Variants in CDH23 observed in about 807,000 individuals in gnomAD.
CDH23 encodes cadherin-23.
A neutral mutation model predicts 317.1 loss-of-function variants in CDH23; 189 were observed. The ratio of observed to expected loss-of-function variants is 0.60; its 90% CI spans 0.53 to 0.67. The LOEUF (loss-of-function observed/expected upper bound fraction) is 0.67. CDH23 is among the 30% of genes least tolerant of loss of function. CDH23 has a pLI of 0.00. For synonymous variants in CDH23, 1,839 were observed against 1,876.8 expected, an observed-to-expected ratio of 0.98 and a Z score of 0.52; for missense variants, 4,401 against 4,592.4, an observed-to-expected ratio of 0.96 and a Z score of 1.20.
At chr10:71,755,358 C>G (rs751673703) in intron 38 of CDH23, 3 of 1,602,778 alleles carry the variant, frequency 1.9e-6, no homozygotes, top group Non-Finnish European at 1.7e-6. Flanking sequence ...GGAATACTCA[C>G]GGCGGTTGGA....
intron 6 of CDH23, among the ~76,000 whole-genome samples, chr10:71,525,296 A>G (rs952254925): frequency 6.6e-6 from 1 of 152,234 alleles, no homozygotes; most frequent in Non-Finnish European, 1.5e-5. Context: ...TTAAGCCACT[A>G]CGTATGTAGT....
chr10:71,815,508 C>A lies in CDH23; in HGVS notation c.*230C>A. The A allele has an allele frequency of 2.2e-6, 1 of 452,882 alleles. No individual in the cohort carries two copies. Among genetic ancestry groups the A allele is most frequent in the Non-Finnish European group, 3.9e-6 (1 of 257,162 alleles). The allele number at this position is 452,882 out of a possible 1,614,324, so 28.1% of individuals were successfully genotyped here. A position where few individuals can be genotyped will look rare whatever the true frequency, so the allele number is the denominator to read the frequency against. On this transcript the variant is annotated 3_prime_UTR_variant, in exon 70 of 70. Transcript: ENST00000224721. The stretch of plus-strand genomic sequence containing the variant: ...AGATCTGTTATTTTTATAAGAAAAC[C>A]AAACAAAAATGTTAAGCATCTAAGG...
At chr10:71,627,200 G>A (rs1022345445) in intron 11 of CDH23, among the ~76,000 whole-genome samples, 4 of 152,166 alleles carry the variant, frequency 2.6e-5, no homozygotes, top group African/African-American at 9.7e-5. Context: ...TTGTCTCACA[G>A]CTTCAGCTCA....
At chr10:71,697,589 T>C (rs1865440222) in intron 22 of CDH23, among the ~76,000 whole-genome samples, 2 of 152,086 alleles carry the variant, frequency 1.3e-5, no homozygotes, top group South Asian at 2.1e-4. Flanking sequence ...AAGATGATTT[T>C]TGAGCCTGGA....
intron 6 of CDH23, among the ~76,000 whole-genome samples, chr10:71,516,495 G>A (rs140437906): frequency 6.6e-6 from 1 of 152,338 alleles, no homozygotes; most frequent in East Asian, 1.9e-4. Flanking sequence ...TACTAGAGAT[G>A]GGAAAGCAGA....
intron 6 of CDH23, among the ~76,000 whole-genome samples, chr10:71,514,347 G>A (rs1160635223): frequency 6.6e-6 from 1 of 152,208 alleles, no homozygotes; most frequent in Non-Finnish European, 1.5e-5. Flanking sequence ...CCAGGTCTGG[G>A]GAGCCTTGGA....
intron 18 of CDH23, among the ~76,000 whole-genome samples, chr10:71,683,886 G>A (rs1461537945): frequency 6.6e-6 from 1 of 152,008 alleles, no homozygotes; most frequent in East Asian, 1.9e-4. Flanking sequence ...CTTGAGACTA[G>A]CCTGACCAAC....
rs727505190 is a variant in CDH23 at position 71,790,282 on chromosome 10, G to T, written c.5924-6G>T. On this transcript the variant is annotated splice_region_variant and splice_polypyrimidine_tract_variant and intron_variant, in intron 45 of 69. Transcript: ENST00000224721. ...TCTTGTGGTGACCCCTCTCCTTCTG[G>T]CCCAGGCACCCCTCTCACGGTGCTC... 1.1e-5 allele frequency: 18 copies of T among 1,613,376 alleles called. No homozygotes were observed. Among genetic ancestry groups the T allele is most frequent in the Non-Finnish European group, 1.5e-5 (18 of 1,179,774 alleles).
At chr10:71,484,561 G>T (rs2132123573) in intron 3 of CDH23, among the ~76,000 whole-genome samples, 1 of 152,336 alleles carries the variant, frequency 6.6e-6, no homozygotes, top group African/African-American at 2.4e-5. Context: ...TCAGCCGCGT[G>T]CAGGACTGAG....
chr10:71,794,281 C>T (rs1389247174), intron 48 of CDH23, among the ~76,000 whole-genome samples: 2 of 152,224 alleles, frequency 1.3e-5, no homozygotes, highest in South Asian at 2.1e-4. Flanking sequence ...GGATTACAGG[C>T]GTGAGTCACT....
At chr10:71,643,112 A>C (rs1375590584) in intron 11 of CDH23, among the ~76,000 whole-genome samples, 6 of 152,246 alleles carry the variant, frequency 3.9e-5, no homozygotes. Context: ...CTATATGCAC[A>C]GTTATGGACC....
rs754605731 is a variant in CDH23, at chr10:71,797,187, G to A, written c.6796G>A (p.Asp2266Asn). 1.2e-5 allele frequency: 19 copies of A among 1,613,178 alleles called. No homozygotes were observed. Among genetic ancestry groups the A allele is most frequent in the Middle Eastern group, 1.6e-4 (1 of 6,072 alleles). The change falls in exon 49 of 70, where the codon GAC becomes AAC. Residue 2266 changes from aspartate to asparagine, a missense_variant. Transcript: ENST00000224721. ...TCTCTCAGTGATTGACAATGCCAGCGACCTACCAGAGCGCTCTGTCAGTGT... is the reference window on the plus strand; with the variant it reads ...TCTCTCAGTGATTGACAATGCCAGCAACCTACCAGAGCGCTCTGTCAGTGT... ...VTLSVIDNAS[D>N]LPERSVSVPN...
intron 1 of CDH23, among the ~76,000 whole-genome samples, chr10:71,402,556 C>A (rs80353719): frequency 1.3e-5 from 2 of 152,168 alleles, no homozygotes; most frequent in African/African-American, 4.8e-5. Context: ...TAGTACCTGG[C>A]GCACAGTATA....
intron 16 of CDH23, among the ~76,000 whole-genome samples, chr10:71,678,470 A>G (rs2132671850): frequency 6.6e-6 from 1 of 152,264 alleles, no homozygotes; most frequent in South Asian, 2.1e-4. Context: ...CCCCTTCCCC[A>G]TGCTGCCTAC....
intron 38 of CDH23, among the ~76,000 whole-genome samples, chr10:71,746,127 G>GTCT (rs989385183): frequency 2.6e-5 from 4 of 152,216 alleles, no homozygotes; most frequent in African/African-American, 9.7e-5. Flanking sequence ...CTACGGTCTG[G>GTCT]CAGGGGAAGG....
chr10:71,453,264 C>T (rs73283724), intron 3 of CDH23, among the ~76,000 whole-genome samples: 1,677 of 152,366 alleles, frequency 0.011, 31 homozygotes, highest in African/African-American at 0.038. Flanking sequence ...TGCTGCCAGT[C>T]GGTGCTGATT....
At chr10:71,805,596 CT>C (rs1303682193) in intron 55 of CDH23, among the ~76,000 whole-genome samples, 1 of 152,168 alleles carries the variant, frequency 6.6e-6, no homozygotes, top group Non-Finnish European at 1.5e-5. Context: ...ATGGCCTTAG[CT>C]TGGGTTGGGG....
At chr10:71,475,928 G>A (rs1193651850) in intron 3 of CDH23, among the ~76,000 whole-genome samples, 1 of 152,212 alleles carries the variant, frequency 6.6e-6, no homozygotes, top group Non-Finnish European at 1.5e-5. Context: ...TGTGGCCTAG[G>A]CAGGTTGGCT....
rs1448656853 is a variant in CDH23 at position 71,732,784 on chromosome 10, T to C, written c.4104+409T>C. On this transcript the variant is annotated intron_variant, in intron 32 of 69. Transcript: ENST00000224721. Reference sequence around the variant, plus strand: ...ACACCCATCACAGATCCTTCACCTCTGGTCATCGAAGTGTGTGTGGGGTTT... The same window carrying C: ...ACACCCATCACAGATCCTTCACCTCCGGTCATCGAAGTGTGTGTGGGGTTT... The C allele has an allele frequency of 5.4e-6, 5 of 927,720 alleles. No homozygotes were observed. The Admixed American group carries it at 2.4e-4, about 45-fold the overall frequency. 57.5% of individuals were successfully genotyped at this position (927,720 alleles called of 1,614,324 possible).
Sources: allele counts gnomAD v4.1 joint callset (sites outside exome capture counted in the v4.1 genomes callset), GRCh38; gene constraint gnomAD v4.1.1; transcripts MANE v1.5; gene names NCBI Gene and HGNC (gene_info 2026-07-23, HGNC 2026-07-21).